The following ATXN1 variants were observed in gnomAD, a reference collection of about 807,000 sequenced individuals.
The protein encoded by ATXN1 is ataxin 1.
Under a neutral mutation model 56.4 loss-of-function variants are expected in ATXN1, and 8 were observed. That is an observed-to-expected ratio of 0.14 (90% CI 0.08 to 0.26). ATXN1 has a LOEUF of 0.26. ATXN1 is among the 10% of genes least tolerant of loss of function. The pLI, the probability that ATXN1 is intolerant of heterozygous loss-of-function variation, is 1.00. For missense variants in ATXN1, 987 were observed against 1,106.5 expected, an observed-to-expected ratio of 0.89 and a Z score of 1.53; for synonymous variants, 514 against 494.6, an observed-to-expected ratio of 1.04 and a Z score of -0.52.
intron 6 of ATXN1, among the ~76,000 whole-genome samples, chr6:16,354,589 T>G (rs970456741): frequency 3.9e-5 from 6 of 152,178 alleles, no homozygotes; most frequent in African/African-American, 9.7e-5. Flanking sequence ...TGGAATTTGT[T>G]TGTATTAAAC....
chr6:16,603,401 A>T (rs1380996531), intron 3 of ATXN1, among the ~76,000 whole-genome samples: 1 of 152,170 alleles, frequency 6.6e-6, no homozygotes, highest in Non-Finnish European at 1.5e-5. Context: ...TCCAGGCTCC[A>T]TACTCCATTC....
At chr6:16,603,726 G>A (rs1762951833) in intron 3 of ATXN1, among the ~76,000 whole-genome samples, 1 of 152,200 alleles carries the variant, frequency 6.6e-6, no homozygotes, top group Admixed American at 6.5e-5. Flanking sequence ...AGAACAGGCA[G>A]GAGGAAGTAG....
At chr6:16,647,380 A>G (rs1763818036) in intron 3 of ATXN1, among the ~76,000 whole-genome samples, 1 of 152,202 alleles carries the variant, frequency 6.6e-6, no homozygotes, top group South Asian at 2.1e-4. Context: ...TTACACAGCC[A>G]TTAAGTGGAA....
chr6:16,744,979 C>T (rs1760474579), intron 2 of ATXN1, among the ~76,000 whole-genome samples: 1 of 152,088 alleles, frequency 6.6e-6, no homozygotes, highest in Admixed American at 6.6e-5. Flanking sequence ...AGCTCATATA[C>T]ATAGATTAGA....
chr6:16,524,860 C>G (rs761920013), intron 4 of ATXN1, among the ~76,000 whole-genome samples: 1 of 152,130 alleles, frequency 6.6e-6, no homozygotes, highest in Non-Finnish European at 1.5e-5. Flanking sequence ...CAAGACCAGC[C>G]TGGCCACCAT....
intron 6 of ATXN1, among the ~76,000 whole-genome samples, chr6:16,351,006 C>A (rs981442246): frequency 1.3e-5 from 2 of 152,124 alleles, no homozygotes; most frequent in Non-Finnish European, 2.9e-5. Context: ...ATTGCTTGAG[C>A]CTAGCCTGGG....
intron 2 of ATXN1, among the ~76,000 whole-genome samples, chr6:16,689,510 C>CTTTTTTTTTTCTTTTTTTTTT (rs1048375311): frequency 7.9e-6 from 1 of 126,868 alleles, no homozygotes; most frequent in South Asian, 2.5e-4. Flanking sequence ...CTTTTTTTTT[C>CTTTTTTTTTTCTTTTTTTTTT]TTTTTTTTTT....
intron 6 of ATXN1, among the ~76,000 whole-genome samples, chr6:16,339,436 C>T (rs1326956231): frequency 6.6e-6 from 1 of 152,194 alleles, no homozygotes; most frequent in Admixed American, 6.5e-5. Flanking sequence ...AGGTGTCACA[C>T]ACTGGCTTAC....
intron 6 of ATXN1, among the ~76,000 whole-genome samples, chr6:16,418,968 G>A (rs1272994657): frequency 6.6e-6 from 1 of 151,786 alleles, no homozygotes; most frequent in African/African-American, 2.4e-5. Flanking sequence ...ATGCTTCCCT[G>A]GTTATCCTTC....
intron 4 of ATXN1, among the ~76,000 whole-genome samples, chr6:16,529,055 T>A (rs1761448905): frequency 6.6e-6 from 1 of 151,942 alleles, no homozygotes; most frequent in African/African-American, 2.4e-5. Context: ...GGTGTGTGCC[T>A]GTAATCCCAG....
intron 3 of ATXN1, among the ~76,000 whole-genome samples, chr6:16,628,776 C>T (rs1349215997): frequency 6.6e-6 from 1 of 152,152 alleles, no homozygotes; most frequent in Non-Finnish European, 1.5e-5. Context: ...TCCTTCCATA[C>T]TCCTGCAAAA....
chr6:16,690,730 G>T (rs1392559151), intron 2 of ATXN1, among the ~76,000 whole-genome samples: 1 of 152,142 alleles, frequency 6.6e-6, no homozygotes, highest in Non-Finnish European at 1.5e-5. Flanking sequence ...AGAAAACGGA[G>T]GTGGAAAGAG....
chr6:16,633,884 T>C (rs569963627), intron 3 of ATXN1, among the ~76,000 whole-genome samples: 1 of 152,234 alleles, frequency 6.6e-6, no homozygotes, highest in Non-Finnish European at 1.5e-5. Flanking sequence ...GACTAACACA[T>C]TTCTGTTAGA....
intron 3 of ATXN1, chr6:16,615,021 A>C (rs931073992): frequency 2.0e-5 from 3 of 150,820 alleles, no homozygotes; most frequent in Non-Finnish European, 4.4e-5. Flanking sequence ...AGAAGTAAAA[A>C]TCCTGATCAA....
intron 6 of ATXN1, among the ~76,000 whole-genome samples, chr6:16,385,524 G>A (rs1468420031): frequency 6.6e-6 from 1 of 152,188 alleles, no homozygotes; most frequent in East Asian, 1.9e-4. Flanking sequence ...AACAGCATAG[G>A]GGCTTCTGGC....
intron 5 of ATXN1, among the ~76,000 whole-genome samples, chr6:16,500,937 G>C (rs1361403436): frequency 1.3e-5 from 2 of 152,158 alleles, no homozygotes; most frequent in African/African-American, 4.8e-5. Flanking sequence ...ATATCATCTT[G>C]TCTGCCAATG....
chr6:16,694,292 G>A (rs575978744), intron 2 of ATXN1, among the ~76,000 whole-genome samples: 455 of 133,914 alleles, frequency 3.4e-3, no homozygotes, highest in Non-Finnish European at 5.1e-3. Context: ...TCGCTCTGTC[G>A]CCAGGCTGGA....
chr6:16,474,857 C>T (rs1365203967), intron 6 of ATXN1, among the ~76,000 whole-genome samples: 1 of 149,596 alleles, frequency 6.7e-6, no homozygotes, highest in Non-Finnish European at 1.5e-5. Context: ...CACACACACA[C>T]ACACACACTC....
intron 4 of ATXN1, among the ~76,000 whole-genome samples, chr6:16,565,901 G>A (rs773168898): frequency 3.3e-5 from 5 of 152,234 alleles, no homozygotes; most frequent in East Asian, 3.9e-4. Context: ...AAGCACATCC[G>A]GCAAGTGTAA....
Sources: gnomAD v4.1 joint callset for allele counts (sites outside exome capture counted in the v4.1 genomes callset) on GRCh38, gnomAD v4.1.1 for gene constraint, MANE v1.5 for transcripts, NCBI Gene and HGNC (gene_info 2026-07-23, HGNC 2026-07-21) for gene names.